The following PDGFD variants were observed in gnomAD, a reference collection of about 807,000 sequenced individuals.
The protein encoded by PDGFD is platelet derived growth factor D.
A neutral mutation model predicts 44.7 loss-of-function variants in PDGFD; 30 were observed. The observed-to-expected ratio is 0.67, with a 90% CI of 0.50 to 0.91. The LOEUF (loss-of-function observed/expected upper bound fraction) is 0.91, where lower values mean the gene tolerates loss of function less well. PDGFD is among the 40% of genes least tolerant of loss of function. PDGFD has a pLI of 0.00. For synonymous variants in PDGFD, 173 were observed against 168.4 expected, an observed-to-expected ratio of 1.03 and a Z score of -0.21; for missense variants, 445 against 457.8, an observed-to-expected ratio of 0.97 and a Z score of 0.25.
chr11:103,909,107 T>C lies in PDGFD; in HGVS notation c.*587A>G, dbSNP rs1255757432. The stretch of plus-strand genomic sequence containing the variant: ...TATGCAGTGCTTCTCATGGAAAAAA[T>C]GCTTAGGTATTGGCCTTTTCTCTGG... On this transcript the variant is annotated 3_prime_UTR_variant, in exon 7 of 7. Transcript: ENST00000393158. 1.3e-5 allele frequency: 2 copies of C among 152,322 alleles called. No homozygotes were observed. The highest frequency in any genetic ancestry group is 2.9e-5 in the Non-Finnish European group (2 of 68,138). The allele number at this position is 152,322 out of a possible 1,614,324, so 9.4% of individuals were successfully genotyped here.
chr11:104,157,546 G>A (rs948146710), intron 1 of PDGFD, among the ~76,000 whole-genome samples: 2 of 152,106 alleles, frequency 1.3e-5, no homozygotes, highest in Admixed American at 6.5e-5. Flanking sequence ...GGCAAGTGCT[G>A]TTCTATCCCC....
intron 1 of PDGFD, among the ~76,000 whole-genome samples, chr11:104,145,979 C>A (rs10895587): frequency 0.24 from 36,094 of 152,074 alleles, 4,339 homozygotes; most frequent in East Asian, 0.34. Context: ...CACCAGAAAT[C>A]AAATTTGCCA....
intron 1 of PDGFD, among the ~76,000 whole-genome samples, chr11:104,142,268 T>C (rs1181383320): frequency 2.0e-5 from 3 of 152,160 alleles, no homozygotes; most frequent in African/African-American, 7.2e-5. Context: ...TATGTGTGTG[T>C]GTATTTATAC....
intron 1 of PDGFD, among the ~76,000 whole-genome samples, chr11:104,147,977 A>C (rs1386934981): frequency 6.6e-6 from 1 of 152,210 alleles, no homozygotes; most frequent in Admixed American, 6.5e-5. Flanking sequence ...AAGAAGTATC[A>C]ATGCTGATTA....
At chr11:104,145,365 A>T (rs1488373070) in intron 1 of PDGFD, among the ~76,000 whole-genome samples, 1 of 152,212 alleles carries the variant, frequency 6.6e-6, no homozygotes, top group Non-Finnish European at 1.5e-5. Flanking sequence ...AAAGCCTATT[A>T]TGTGACATAG....
At chr11:104,046,924 T>C (rs937507021) in intron 1 of PDGFD, among the ~76,000 whole-genome samples, 2 of 146,234 alleles carry the variant, frequency 1.4e-5, no homozygotes, top group African/African-American at 2.5e-5. Context: ...CAGTGTATGA[T>C]GTTCCCCTCC....
intron 1 of PDGFD, among the ~76,000 whole-genome samples, chr11:104,050,489 A>C (rs1860516741): frequency 6.6e-6 from 1 of 152,142 alleles, no homozygotes; most frequent in Non-Finnish European, 1.5e-5. Flanking sequence ...TTGCTGATAG[A>C]AGCAGCACTG....
rs779539656 is a variant in PDGFD, at chr11:103,909,511, T to C, written c.*183A>G. 2.4e-5 allele frequency: 16 copies of C among 666,794 alleles called. No homozygotes were observed. The highest frequency in any genetic ancestry group is 4.1e-5 in the Non-Finnish European group (16 of 388,706). The allele number at this position is 666,794 out of a possible 1,614,324, so 41.3% of individuals were successfully genotyped here. On this transcript the variant is annotated 3_prime_UTR_variant, in exon 7 of 7. Transcript: ENST00000393158. ...ATCCTATATTCTTAGGTATAGAAGT[T>C]GATGATATACCTTTCTACTTGCCAT...
intron 1 of PDGFD, among the ~76,000 whole-genome samples, chr11:104,117,533 G>A (rs1170049770): frequency 6.6e-6 from 1 of 151,920 alleles, no homozygotes; most frequent in Non-Finnish European, 1.5e-5. Context: ...ATTCAGCAAA[G>A]TTTCCAGACA....
At chr11:103,918,177 T>C (rs888890040) in intron 6 of PDGFD, among the ~76,000 whole-genome samples, 16 of 152,300 alleles carry the variant, frequency 1.1e-4, no homozygotes, top group African/African-American at 3.8e-4. Flanking sequence ...GAAATTTTGA[T>C]ATTGGTAAAG....
At chr11:103,979,185 C>G (rs972759189) in intron 3 of PDGFD, among the ~76,000 whole-genome samples, 1 of 152,030 alleles carries the variant, frequency 6.6e-6, no homozygotes, top group African/African-American at 2.4e-5. Context: ...AGCCTGAAGT[C>G]TTTGGCCAAA....
chr11:104,072,262 CTA>C (rs1017948891), intron 1 of PDGFD, among the ~76,000 whole-genome samples: 3 of 151,810 alleles, frequency 2.0e-5, no homozygotes, highest in African/African-American at 4.8e-5. Context: ...TAAAACTACT[CTA>C]TGTGTTTCAG....
chr11:104,005,909 T>C (rs1433046365), intron 1 of PDGFD, among the ~76,000 whole-genome samples: 5 of 152,252 alleles, frequency 3.3e-5, no homozygotes, highest in African/African-American at 1.2e-4. Flanking sequence ...AACAATGACA[T>C]AGTTTTATTT....
intron 5 of PDGFD, among the ~76,000 whole-genome samples, chr11:103,940,009 A>T (rs892616011): frequency 1.3e-5 from 2 of 152,098 alleles, no homozygotes; most frequent in African/African-American, 4.8e-5. Context: ...AAATGTAGAC[A>T]TTATTGCGTT....
intron 1 of PDGFD, among the ~76,000 whole-genome samples, chr11:104,054,856 G>A (rs361317): frequency 0.36 from 54,036 of 151,924 alleles, 9,783 homozygotes; most frequent in Middle Eastern, 0.44. Context: ...AATCAGCCTC[G>A]GAGAGGAGGA....
At chr11:103,999,054 G>A (rs577820087) in intron 2 of PDGFD, among the ~76,000 whole-genome samples, 21 of 152,036 alleles carry the variant, frequency 1.4e-4, no homozygotes, top group African/African-American at 5.1e-4. Flanking sequence ...AATATTAACT[G>A]GCTCTTCCTT....
chr11:104,008,016 C>T (rs181317875), intron 1 of PDGFD, among the ~76,000 whole-genome samples: 1 of 152,154 alleles, frequency 6.6e-6, no homozygotes, highest in Non-Finnish European at 1.5e-5. Context: ...TGATTTGTTG[C>T]AAGCCCAAAG....
At chr11:104,051,554 G>A (rs564758439) in intron 1 of PDGFD, among the ~76,000 whole-genome samples, 1 of 152,022 alleles carries the variant, frequency 6.6e-6, no homozygotes, top group East Asian at 1.9e-4. Flanking sequence ...AGAGGTCCCT[G>A]GGAAGATTTA....
chr11:104,066,052 A>G (rs986803969), intron 1 of PDGFD, among the ~76,000 whole-genome samples: 1 of 152,188 alleles, frequency 6.6e-6, no homozygotes, highest in African/African-American at 2.4e-5. Flanking sequence ...AAATTGTCAC[A>G]TACTGACAAG....
Sources: allele counts gnomAD v4.1 joint callset (sites outside exome capture counted in the v4.1 genomes callset), GRCh38; gene constraint gnomAD v4.1.1; transcripts MANE v1.5; gene names NCBI Gene and HGNC (gene_info 2026-07-23, HGNC 2026-07-21).